Variants in KIRREL3 observed in about 807,000 individuals in gnomAD.
KIRREL3 encodes the protein kirre like nephrin family adhesion molecule 3, also known as kin of IRRE-like protein 3.
Under a neutral mutation model 89.7 loss-of-function variants are expected in KIRREL3, and 36 were observed. That is an observed-to-expected ratio of 0.40 (90% CI 0.31 to 0.53). The LOEUF is 0.53. Ranked by LOEUF, KIRREL3 falls within the 20% of genes least tolerant of loss-of-function variation. KIRREL3 has a pLI of 0.49. For synonymous variants in KIRREL3, 445 were observed against 441.4 expected (o/e 1.01, Z -0.10); for missense variants, 864 against 1,056.6 (o/e 0.82, Z 2.53).
chr11:126,598,960 T>C (rs1942521726), intron 1 of KIRREL3, among the ~76,000 whole-genome samples: 1 of 152,216 alleles, frequency 6.6e-6, no homozygotes, highest in South Asian at 2.1e-4. Context: ...CCTCCCATTG[T>C]TTGGCCAGAT....
chr11:126,468,626 T>C (rs1002771043), intron 5 of KIRREL3, among the ~76,000 whole-genome samples: 1 of 152,220 alleles, frequency 6.6e-6, no homozygotes, highest in Admixed American at 6.5e-5. Context: ...CCCAGAAACT[T>C]TGAGAACAGG....
rs1363416021 is a variant in KIRREL3, at chr11:126,739,268, T to C, written c.56-176356A>G. 6.6e-6 allele frequency among the ~76,000 whole-genome samples: 1 copy of C among 152,240 alleles called. No homozygotes were observed. The highest frequency in any genetic ancestry group is 2.4e-5 in the African/African-American group (1 of 41,462). On this transcript the variant is annotated intron_variant, in intron 1 of 16. Coordinates refer to ENST00000525144, the MANE Select transcript of KIRREL3 (RefSeq NM_032531.4). The surrounding 1 kb of genome is among the most constrained non-coding windows in gnomAD (Gnocchi z 5.5). ...CCCACAGAGCATTAGGTGATACTTA[T>C]AGTATTAATTCGACTGCCTTTTGGC...
At position 126,531,856 on chromosome 11, in the gene KIRREL3, C is replaced by T. The variant is rs1244263712; in HGVS notation, c.134-5169G>A. The stretch of plus-strand genomic sequence containing the variant: ...CAGCTGTGGGTGAGCACCGGTTACA[C>T]GTCTGTCACATGTGCCTTTGTACTT... On this transcript the variant is annotated intron_variant, in intron 2 of 16. Transcript: ENST00000525144. The surrounding 1 kb of genome is among the most constrained non-coding windows in gnomAD (Gnocchi z 4.7). Among the ~76,000 whole-genome samples, 7 of 152,190 alleles carry T rather than the reference C, an allele frequency of 4.6e-5. No individual in the cohort carries two copies. The highest frequency in any genetic ancestry group is 1.3e-4 in the Admixed American group (2 of 15,280).
intron 1 of KIRREL3, among the ~76,000 whole-genome samples, chr11:126,649,168 A>G (rs1005080303): frequency 6.6e-6 from 1 of 152,194 alleles, no homozygotes; most frequent in Non-Finnish European, 1.5e-5. Flanking sequence ...GATTAAAATT[A>G]TCTCCTATTG....
intron 1 of KIRREL3, among the ~76,000 whole-genome samples, chr11:126,648,050 C>A (rs1264677124): frequency 6.6e-6 from 1 of 152,100 alleles, no homozygotes; most frequent in African/African-American, 2.4e-5. Flanking sequence ...GTGGATTTCC[C>A]CCTTGCTGTT....
chr11:126,458,384 C>G (rs2155309), intron 6 of KIRREL3, among the ~76,000 whole-genome samples: 2 of 152,112 alleles, frequency 1.3e-5, no homozygotes, highest in Non-Finnish European at 2.9e-5. Flanking sequence ...GTTGGGACTA[C>G]GGTGGGGTCC....
At chr11:126,712,993 C>T (rs1299612456) in intron 1 of KIRREL3, among the ~76,000 whole-genome samples, 2 of 152,112 alleles carry the variant, frequency 1.3e-5, no homozygotes, top group African/African-American at 4.8e-5. Context: ...GTGCTAGGCA[C>T]TGGGTGCTGG....
rs969805267 is a variant in KIRREL3, at chr11:126,568,748, C to T, written c.56-5836G>A. On this transcript the variant is annotated intron_variant, in intron 1 of 16. Transcript: ENST00000525144. The surrounding 1 kb of genome is among the most constrained non-coding windows in gnomAD (Gnocchi z 4.6). ...TTCATATGAAAAGCAAATGAGCCAA[C>T]ACATGGGCAAAAGTGCCCAGAATGA... is the stretch of plus-strand genomic sequence containing the variant. Among the ~76,000 whole-genome samples, 6 of 152,184 alleles carry T rather than the reference C, an allele frequency of 3.9e-5. No individual in the cohort carries two copies. Among genetic ancestry groups the T allele is most frequent in the African/African-American group, 1.4e-4 (6 of 41,432 alleles).
intron 1 of KIRREL3, among the ~76,000 whole-genome samples, chr11:126,845,295 T>A (rs1944101719): frequency 6.6e-6 from 1 of 152,210 alleles, no homozygotes; most frequent in Admixed American, 6.5e-5. Flanking sequence ...AAGCCTGGCA[T>A]GCTGGCAAAA....
chr11:126,597,159 C>T (rs1326107426), intron 1 of KIRREL3, among the ~76,000 whole-genome samples: 1 of 152,214 alleles, frequency 6.6e-6, no homozygotes, highest in African/African-American at 2.4e-5. Flanking sequence ...CCAGAACTAC[C>T]CACCCAATCA....
chr11:126,845,617 G>A (rs951322708), intron 1 of KIRREL3, among the ~76,000 whole-genome samples: 58 of 152,072 alleles, frequency 3.8e-4, no homozygotes, highest in Non-Finnish European at 2.5e-4. Context: ...CCATGTGGCC[G>A]TCCTTTCTCT....
At chr11:126,644,366 T>C (rs1944582586) in intron 1 of KIRREL3, among the ~76,000 whole-genome samples, 1 of 152,080 alleles carries the variant, frequency 6.6e-6, no homozygotes, top group Non-Finnish European at 1.5e-5. Context: ...GGCCAAAAAG[T>C]AGGTCAAGAG....
intron 1 of KIRREL3, among the ~76,000 whole-genome samples, chr11:126,585,824 C>T (rs950112750): frequency 3.9e-5 from 6 of 152,252 alleles, no homozygotes; most frequent in Non-Finnish European, 5.9e-5. Context: ...AAACGACCGT[C>T]GCTCTCGTTA....
In KIRREL3 at chr11:126,509,113, G is replaced by A. The variant is rs117273727; in HGVS notation, c.433+12202C>T. 5.2e-3 allele frequency among the ~76,000 whole-genome samples: 792 copies of A among 152,280 alleles called. 8 individuals are homozygous for A. The highest frequency in any genetic ancestry group is 0.01 in the Middle Eastern group (3 of 294). On this transcript the variant is annotated intron_variant, in intron 4 of 16. Coordinates refer to ENST00000525144, the MANE Select transcript of KIRREL3 (RefSeq NM_032531.4). ...TAGTACCTATCAGAACTTCTCATGA[G>A]TGAAAGCCAGTCTCCTAGGCATGAG...
At chr11:126,466,774 G>T (rs1287510101) in intron 5 of KIRREL3, among the ~76,000 whole-genome samples, 1 of 152,096 alleles carries the variant, frequency 6.6e-6, no homozygotes, top group Non-Finnish European at 1.5e-5. Flanking sequence ...TCCCTTCACT[G>T]AGCTTGGCTC....
rs1052992614 is a variant in KIRREL3, at chr11:126,669,155, C to T, written c.56-106243G>A. 1.3e-5 allele frequency among the ~76,000 whole-genome samples: 2 copies of T among 152,108 alleles called. No homozygotes were observed. Among genetic ancestry groups the T allele is most frequent in the African/African-American group, 4.8e-5 (2 of 41,418 alleles). On this transcript the variant is annotated intron_variant, in intron 1 of 16. Coordinates refer to ENST00000525144, the MANE Select transcript of KIRREL3 (RefSeq NM_032531.4). The surrounding 1 kb of genome is among the most constrained non-coding windows in gnomAD (Gnocchi z 5.0). ...GTTTTTGCTTTGGTTTTTTGCTTCTCTGGGGTATGGGTCTTCATCTTGTTT... is the reference window on the plus strand; with the variant it reads ...GTTTTTGCTTTGGTTTTTTGCTTCTTTGGGGTATGGGTCTTCATCTTGTTT...
At position 126,587,814 on chromosome 11, in the gene KIRREL3, T is replaced by C. The variant is rs1258528886; in HGVS notation, c.56-24902A>G. 4.6e-5 allele frequency among the ~76,000 whole-genome samples: 7 copies of C among 152,228 alleles called. No homozygotes were observed. The highest frequency in any genetic ancestry group is 9.6e-5 in the African/African-American group (4 of 41,458). ...AATGATTATGACTTAAGTAAAATAG[T>C]TGAACACAATTCTTATTGCCATCTA... On this transcript the variant is annotated intron_variant, in intron 1 of 16. Coordinates refer to ENST00000525144, the MANE Select transcript of KIRREL3 (RefSeq NM_032531.4). The surrounding 1 kb of genome is among the most constrained non-coding windows in gnomAD (Gnocchi z 5.2).
chr11:126,480,047 C>T (rs2134305561), intron 4 of KIRREL3, among the ~76,000 whole-genome samples: 1 of 152,340 alleles, frequency 6.6e-6, no homozygotes, highest in South Asian at 2.1e-4. Flanking sequence ...TGTGTCTCTT[C>T]CCTGAACCAT....
At position 126,802,155 on chromosome 11, in the gene KIRREL3, G is replaced by A. The variant is rs775712324; in HGVS notation, c.55+198300C>T. Among the ~76,000 whole-genome samples the A allele has an allele frequency of 7.2e-5, 11 of 152,024 alleles. No homozygotes were observed. Among genetic ancestry groups the A allele is most frequent in the Admixed American group, 2.0e-4 (3 of 15,264 alleles). Reference sequence around the variant, plus strand: ...TTTAATGTCACAGGTTATGACTGTCGTTTACCAGGTGCCTTAACCATCTGC... The same window carrying A: ...TTTAATGTCACAGGTTATGACTGTCATTTACCAGGTGCCTTAACCATCTGC... On this transcript the variant is annotated intron_variant, in intron 1 of 16. Coordinates refer to ENST00000525144, the MANE Select transcript of KIRREL3 (RefSeq NM_032531.4). This position sits in a 1 kb window ranked among gnomAD's most constrained non-coding sequence, Gnocchi z 5.2.
Sources: allele counts gnomAD v4.1 joint callset (sites outside exome capture counted in the v4.1 genomes callset), GRCh38; gene constraint gnomAD v4.1.1; non-coding constraint Gnocchi (gnomAD v3.1); transcripts MANE v1.5; gene names NCBI Gene and HGNC (gene_info 2026-07-23, HGNC 2026-07-21).